The following LAMA2 variants were observed in gnomAD, a reference collection of about 807,000 sequenced individuals.
LAMA2 encodes the protein laminin subunit alpha 2, also known as laminin subunit alpha-2.
In LAMA2, 269 loss-of-function variants were observed where a neutral mutation model predicts 364.8. That is an observed-to-expected ratio of 0.74 (90% CI 0.67 to 0.82). LAMA2 has a LOEUF of 0.82. Among genes scored for constraint, LAMA2 ranks in the 40% least tolerant of loss-of-function variants. LAMA2 has a pLI of 0.00. For synonymous variants in LAMA2, 1,379 were observed against 1,370.6 expected, an observed-to-expected ratio of 1.01 and a Z score of -0.14; for missense variants, 3,807 against 3,873.2, an observed-to-expected ratio of 0.98 and a Z score of 0.45.
chr6:129,371,061 T>C (rs1778044880), intron 34 of LAMA2, among the ~76,000 whole-genome samples: 1 of 152,258 alleles, frequency 6.6e-6, no homozygotes, highest in South Asian at 2.1e-4. Context: ...TTGAGTGCAT[T>C]TATCTCATAT....
intron 58 of LAMA2, among the ~76,000 whole-genome samples, chr6:129,492,839 G>A (rs1291505104): frequency 1.3e-5 from 2 of 152,146 alleles, no homozygotes; most frequent in Non-Finnish European, 2.9e-5. Flanking sequence ...CCTGTTTTTA[G>A]AAACTAGTAA....
At chr6:129,167,729 A>G (rs532918991) in intron 9 of LAMA2, among the ~76,000 whole-genome samples, 242 of 152,264 alleles carry the variant, frequency 1.6e-3, no homozygotes, top group Non-Finnish European at 2.2e-3. Flanking sequence ...TCCCTGAGGA[A>G]TGGCCACACT....
intron 12 of LAMA2, among the ~76,000 whole-genome samples, chr6:129,234,294 T>A (rs150648629): frequency 7.7e-4 from 118 of 152,342 alleles, no homozygotes; most frequent in African/African-American, 2.7e-3. Context: ...ATTTAAATGA[T>A]GTCTACATAA....
At chr6:129,194,121 T>G (rs1160906469) in intron 12 of LAMA2, among the ~76,000 whole-genome samples, 1 of 152,136 alleles carries the variant, frequency 6.6e-6, no homozygotes, top group Non-Finnish European at 1.5e-5. Context: ...TAGGAAACTC[T>G]GGTATTCCCA....
intron 1 of LAMA2, among the ~76,000 whole-genome samples, chr6:128,900,536 G>T (rs1219069842): frequency 1.3e-5 from 2 of 152,144 alleles, no homozygotes; most frequent in Non-Finnish European, 2.9e-5. Context: ...TCATGATACT[G>T]TCGGATGTAG....
intron 2 of LAMA2, among the ~76,000 whole-genome samples, chr6:129,059,287 T>C (rs1022599160): frequency 4.6e-5 from 7 of 152,170 alleles, no homozygotes; most frequent in African/African-American, 1.7e-4. Flanking sequence ...TAAAACCAGA[T>C]ATATATTGGA....
chr6:129,103,472 G>C lies in LAMA2; in HGVS notation c.639+5057G>C, dbSNP rs558331579. Among the ~76,000 whole-genome samples, 13 of 152,140 alleles carry C rather than the reference G, an allele frequency of 8.5e-5. No individual in the cohort carries two copies. The South Asian group carries it at 2.5e-3, about 29-fold the overall frequency. ...TATCTAAACCACAGACCTTATTCAG[G>C]TTTCATTCATTTTACCAATTTCATT... On this transcript the variant is annotated intron_variant, in intron 4 of 64. Transcript: ENST00000421865.
intron 1 of LAMA2, among the ~76,000 whole-genome samples, chr6:128,926,113 T>C (rs1243096808): frequency 6.6e-6 from 1 of 152,184 alleles, no homozygotes; most frequent in Non-Finnish European, 1.5e-5. Flanking sequence ...TGCCTAAAAT[T>C]TTCCATTCTA....
At chr6:129,352,227 T>G (rs1037686986) in intron 31 of LAMA2, among the ~76,000 whole-genome samples, 1 of 152,208 alleles carries the variant, frequency 6.6e-6, no homozygotes, top group African/African-American at 2.4e-5. Context: ...CAAACCAGAA[T>G]GTATGGCCCT....
At chr6:129,279,597 C>T (rs1368255373) in intron 17 of LAMA2, among the ~76,000 whole-genome samples, 3 of 152,268 alleles carry the variant, frequency 2.0e-5, no homozygotes, top group African/African-American at 4.8e-5. Context: ...CAGGCACGCC[C>T]CACTATGGCA....
intron 42 of LAMA2, 37 bp from the exon 43 acceptor site, chr6:129,440,779 C>T: frequency 1.3e-6 from 2 of 1,589,618 alleles, no homozygotes; most frequent in East Asian, 2.2e-5. Flanking sequence ...AACTCCACAC[C>T]CTTTGTTTTG....
chr6:129,380,535 A>G (rs1267845265), intron 34 of LAMA2, among the ~76,000 whole-genome samples: 1 of 152,072 alleles, frequency 6.6e-6, no homozygotes, highest in Non-Finnish European at 1.5e-5. Context: ...TATGAAGGAA[A>G]CGTCCTGCTG....
intron 1 of LAMA2, among the ~76,000 whole-genome samples, chr6:128,898,878 CT>C (rs1776921273): frequency 6.6e-6 from 1 of 152,062 alleles, no homozygotes; most frequent in African/African-American, 2.4e-5. Flanking sequence ...GTCTCAAGGC[CT>C]TTGTCCTTGC....
intron 8 of LAMA2, among the ~76,000 whole-genome samples, chr6:129,165,186 GTT>G (rs77348632): frequency 1.4e-5 from 2 of 140,176 alleles, no homozygotes. Flanking sequence ...AAATAATTTA[GTT>G]TTTTTTTTTT....
chr6:128,930,073 G>A (rs985584290), intron 1 of LAMA2: 22 of 351,484 alleles, frequency 6.3e-5, no homozygotes, highest in African/African-American at 4.4e-4. Flanking sequence ...CCGGCCGGCA[G>A]CGGGGTCTCA....
intron 3 of LAMA2, among the ~76,000 whole-genome samples, chr6:129,061,461 C>T (rs923578457): frequency 6.6e-6 from 1 of 152,146 alleles, no homozygotes; most frequent in African/African-American, 2.4e-5. Flanking sequence ...GCATTTTTCC[C>T]CTCCTAATTT....
At chr6:129,366,129 G>A in intron 32 of LAMA2, 90 bp from the exon 33 acceptor site, 1 of 1,348,274 alleles carries the variant, frequency 7.4e-7, no homozygotes, top group South Asian at 1.2e-5. Flanking sequence ...ATTATTCTTG[G>A]ACCATAAAAT....
At chr6:129,513,223 A>G (rs1161075464) in intron 63 of LAMA2, among the ~76,000 whole-genome samples, 2 of 152,102 alleles carry the variant, frequency 1.3e-5, no homozygotes, top group African/African-American at 4.8e-5. Flanking sequence ...AGTGACCTAA[A>G]ATAGTTTTTT....
At chr6:129,476,850 T>A (rs1184359265) in intron 53 of LAMA2, among the ~76,000 whole-genome samples, 1 of 152,026 alleles carries the variant, frequency 6.6e-6, no homozygotes, top group Non-Finnish European at 1.5e-5. Context: ...CAAGGAAAAA[T>A]TATCAATGAA....
Sources: allele counts gnomAD v4.1 joint callset (sites outside exome capture counted in the v4.1 genomes callset), GRCh38; gene constraint gnomAD v4.1.1; transcripts MANE v1.5; gene names NCBI Gene and HGNC (gene_info 2026-07-23, HGNC 2026-07-21).